Variants in ASIC5 observed in about 807,000 individuals in gnomAD.
ASIC5 encodes the protein acid sensing ion channel subunit family member 5, also known as bile acid-sensitive ion channel.
ASIC5 carries 52 observed loss-of-function variants against 51.2 expected under a neutral mutation model. The observed-to-expected ratio is 1.02, with a 90% CI of 0.81 to 1.28. ASIC5 has a LOEUF of 1.28. Among genes scored for constraint, ASIC5 ranks in the 50% most tolerant of loss-of-function variants. ASIC5 has a pLI of 0.00. For synonymous variants in ASIC5, 231 were observed against 200.7 expected (o/e 1.15, Z -1.28); for missense variants, 635 against 595.0 (o/e 1.07, Z -0.70).
At chr4:155,848,793 G>A (rs1367093810) in intron 4 of ASIC5, among the ~76,000 whole-genome samples, 4 of 152,054 alleles carry the variant, frequency 2.6e-5, no homozygotes, top group Non-Finnish European at 1.5e-5. Flanking sequence ...ATGTTCATGA[G>A]TATTAAACAG....
chr4:155,834,037 G>A (rs903476451), intron 8 of ASIC5, among the ~76,000 whole-genome samples: 15 of 152,304 alleles, frequency 9.8e-5, no homozygotes, highest in Middle Eastern at 3.4e-3. Flanking sequence ...TTGGCATAAA[G>A]AAAACAATTT....
chr4:155,852,443 G>A, intron 3 of ASIC5, 127 bp from the exon 4 acceptor site: 1 of 732,524 alleles, frequency 1.4e-6, no homozygotes, highest in Non-Finnish European at 2.1e-6. Flanking sequence ...AGAGAGAATA[G>A]TCTGATTTAT....
At chr4:155,856,900 G>A (rs1459839769) in intron 2 of ASIC5, among the ~76,000 whole-genome samples, 1 of 151,776 alleles carries the variant, frequency 6.6e-6, no homozygotes, top group African/African-American at 2.4e-5. Context: ...TATACATATG[G>A]GAGCAATGAA....
intron 2 of ASIC5, among the ~76,000 whole-genome samples, chr4:155,862,214 G>T (rs948857854): frequency 6.6e-6 from 1 of 151,922 alleles, no homozygotes; most frequent in Admixed American, 6.6e-5. Context: ...TTTTTGGGGG[G>T]AAAGGATTGA....
rs974341574 is a variant in ASIC5, at chr4:155,842,250, C to T, written c.966G>A (p.Gln322=). The part of the protein sequence containing the change: ...TSGCLKECKA[Q]HIKKQCGCVP... ...CACATCCACATTGCTTTTTTATGTG[C>T]TGGGCTTTGCATTCCTTCAAGCAAC... Residue 322 remains glutamine (Q), a synonymous_variant, in exon 6 of 10, where the codon CAG becomes CAA. Coordinates refer to ENST00000537611, the MANE Select transcript of ASIC5 (RefSeq NM_017419.3). The T allele has an allele frequency of 6.2e-7, 1 of 1,613,590 alleles. No homozygotes were observed. The highest frequency in any genetic ancestry group is 1.3e-5 in the African/African-American group (1 of 74,884).
intron 9 of ASIC5, among the ~76,000 whole-genome samples, chr4:155,831,397 A>G (rs1343663907): frequency 2.0e-5 from 3 of 152,198 alleles, no homozygotes; most frequent in African/African-American, 7.2e-5. Context: ...CTGAATGACA[A>G]GTTCAATTGA....
At chr4:155,861,821 G>C (rs961035366) in intron 2 of ASIC5, among the ~76,000 whole-genome samples, 1 of 151,808 alleles carries the variant, frequency 6.6e-6, no homozygotes, top group African/African-American at 2.4e-5. Flanking sequence ...CTGTATCTCT[G>C]TGTGTTCTCT....
At position 155,842,033 on chromosome 4, in the gene ASIC5, G is replaced by C. The variant is rs927792698; in HGVS notation, c.1009+174C>G. ...TTTAGTCTGCAAAGAGAAGGAACAG[G>C]CTTAAGAATATAATAATTTTTCTGT... is the stretch of plus-strand genomic sequence containing the variant. On this transcript the variant is annotated intron_variant, in intron 6 of 9. Coordinates refer to ENST00000537611, the MANE Select transcript of ASIC5 (RefSeq NM_017419.3). Among the ~76,000 whole-genome samples, 2 of 152,080 alleles carry C rather than the reference G, an allele frequency of 1.3e-5. 1 individual carries two copies. The highest frequency in any genetic ancestry group is 6.4e-3 in the Middle Eastern group (2 of 314).
intron 6 of ASIC5, 137 bp downstream of exon 6, chr4:155,842,070 C>A (rs1000773742): frequency 6.3e-6 from 5 of 799,780 alleles, no homozygotes; most frequent in African/African-American, 5.2e-5. Flanking sequence ...AATGGGTCAG[C>A]AACATCTGTA....
intron 4 of ASIC5, among the ~76,000 whole-genome samples, chr4:155,844,710 T>G (rs949708756): frequency 6.6e-6 from 1 of 151,952 alleles, no homozygotes; most frequent in Admixed American, 6.6e-5. Flanking sequence ...TCCAAAGAAA[T>G]AAAGCACCTT....
intron 4 of ASIC5, among the ~76,000 whole-genome samples, chr4:155,846,864 A>G (rs1165798104): frequency 6.6e-6 from 1 of 152,026 alleles, no homozygotes; most frequent in Admixed American, 6.6e-5. Context: ...GCTAAAAAAA[A>G]GTGTGTCCTT....
chr4:155,830,127 A>G, intron 9 of ASIC5, 81 bp from the exon 10 acceptor site: 1 of 911,688 alleles, frequency 1.1e-6, no homozygotes, highest in Non-Finnish European at 1.6e-6. Flanking sequence ...TAGTTGAAGC[A>G]AAATAGAGTC....
At chr4:155,856,276 A>G (rs1282894368) in intron 2 of ASIC5, among the ~76,000 whole-genome samples, 2 of 152,032 alleles carry the variant, frequency 1.3e-5, no homozygotes, top group African/African-American at 4.8e-5. Flanking sequence ...TTTTCAGCCT[A>G]TCTTTAGGGG....
At chr4:155,842,505 C>G (rs1307583188) in intron 5 of ASIC5, 151 bp from the exon 6 acceptor site, 2 of 630,976 alleles carry the variant, frequency 3.2e-6, no homozygotes, top group Non-Finnish European at 5.3e-6. Flanking sequence ...TTTGCCTACT[C>G]TATTGACCTG....
intron 4 of ASIC5, among the ~76,000 whole-genome samples, chr4:155,850,109 A>T (rs1741346540): frequency 6.7e-6 from 1 of 150,012 alleles, no homozygotes; most frequent in Non-Finnish European, 1.5e-5. Flanking sequence ...TCTCCTAAAG[A>T]TTTTTTTTTT....
At chr4:155,848,843 C>T (rs1350117171) in intron 4 of ASIC5, among the ~76,000 whole-genome samples, 1 of 152,026 alleles carries the variant, frequency 6.6e-6, no homozygotes, top group Non-Finnish European at 1.5e-5. Flanking sequence ...ATCTTTTTTA[C>T]TTTTTACTTA....
At chr4:155,862,301 C>G (rs2110772371) in intron 2 of ASIC5, among the ~76,000 whole-genome samples, 1 of 152,172 alleles carries the variant, frequency 6.6e-6, no homozygotes, top group African/African-American at 2.4e-5. Context: ...CGGGCTATAA[C>G]ATCTATTATA....
intron 2 of ASIC5, among the ~76,000 whole-genome samples, chr4:155,859,212 A>T (rs938020692): frequency 6.6e-6 from 1 of 152,086 alleles, no homozygotes; most frequent in African/African-American, 2.4e-5. Flanking sequence ...CAACTGGAAC[A>T]GATTTTAAAA....
At chr4:155,857,537 A>G (rs1741576343) in intron 2 of ASIC5, among the ~76,000 whole-genome samples, 1 of 152,154 alleles carries the variant, frequency 6.6e-6, no homozygotes, top group Non-Finnish European at 1.5e-5. Context: ...AGCCTAGTAG[A>G]AGAAAATAAC....
Sources: allele counts gnomAD v4.1 joint callset (sites outside exome capture counted in the v4.1 genomes callset), GRCh38; gene constraint gnomAD v4.1.1; transcripts MANE v1.5; gene names NCBI Gene and HGNC (gene_info 2026-07-23, HGNC 2026-07-21).